Variants in FOXD1 observed in about 807,000 individuals in gnomAD.
FOXD1 encodes forkhead box D1.
Under a neutral mutation model 2.0 loss-of-function variants are expected in FOXD1, and 4 were observed. The observed-to-expected ratio is 2.03, with a 90% CI of 1.00 to 4.64. The LOEUF (loss-of-function observed/expected upper bound fraction) is 4.64. FOXD1 is among the 30% of genes most tolerant of loss of function. The probability of loss-of-function intolerance (pLI) is 0.01; values close to 1 mark genes in which losing one functional copy is unlikely to be tolerated. For synonymous variants in FOXD1, 354 were observed against 328.5 expected, an observed-to-expected ratio of 1.08 and a Z score of -0.84; for missense variants, 586 against 647.6, an observed-to-expected ratio of 0.90 and a Z score of 1.03.
rs1745530009 is a variant in FOXD1, at chr5:73,447,584, G to C, written c.779C>G (p.Pro260Arg). 1 of 1,139,512 alleles carries C rather than the reference G, an allele frequency of 8.8e-7. No homozygotes were observed. The highest frequency in any genetic ancestry group is 1.1e-6 in the Non-Finnish European group (1 of 924,872). 70.6% of individuals were successfully genotyped at this position (1,139,512 alleles called of 1,614,324 possible). The change falls in exon 1 of 1, where the codon CCC (proline) becomes CGC (arginine). Residue 260 changes from proline (P) to arginine (R), a missense_variant. This residue lies in a region of FOXD1 where 253 missense variants were observed against 234.4 expected (regional missense o/e 1.08). Coordinates refer to ENST00000615637, the MANE Select transcript of FOXD1 (RefSeq NM_004472.3). The surrounding 1 kb of genome is among the most constrained non-coding windows in gnomAD (Gnocchi z 7.8). ...DPAAAAALFP[P>R]APPPPPHAYG... ...GGCATGCGGGGGCGGCGGGGGCGCG[G>C]GCGGGAAGAGCGCGGCGGCGGCTGC...
rs370819776 is a variant in FOXD1, at chr5:73,447,067, G to GGCGGCC, written c.1290_1295dup (p.Ala433_Ala434dup). ...CGGACGAGGAGACTGAGGAGGCGGC[G>GGCGGCC]GCGGCCGCGGCGGCCACGAGGGATC... On this transcript the variant is annotated inframe_insertion, in exon 1 of 1. Transcript: ENST00000615637. The surrounding 1 kb of genome is among the most constrained non-coding windows in gnomAD (Gnocchi z 7.8). 8,649 of 1,514,886 alleles carry GGCGGCC rather than the reference G, an allele frequency of 5.7e-3. 74 individuals are homozygous for GGCGGCC. The highest frequency in any genetic ancestry group is 0.036 in the African/African-American group (2,503 of 69,858). 93.8% of individuals were successfully genotyped at this position (1,514,886 alleles called of 1,614,324 possible). A position where few individuals can be genotyped will look rare whatever the true frequency, so the allele number is the denominator to read the frequency against.
In FOXD1 at chr5:73,447,213, C is replaced by T. The variant is rs1480202493; in HGVS notation, c.1150G>A (p.Ala384Thr). ...GGCGAGGCCTGAGCGGCGGCGGCGG[C>T]CTGCGCGGCGGCGGCGGCAGCGGCG... ...PAAAAAAAAQAAAAAQASPSP... is the reference protein window; with the variant it reads ...PAAAAAAAAQTAAAAQASPSP... Residue 384 changes from alanine (A) to threonine (T), a missense_variant, in exon 1 of 1, where the codon GCC becomes ACC. Around this residue, in one of 4 missense-constraint regions of FOXD1, gnomAD observed 253 missense variants for 234.4 expected, o/e 1.08. Coordinates refer to ENST00000615637, the MANE Select transcript of FOXD1 (RefSeq NM_004472.3). This position sits in a 1 kb window ranked among gnomAD's most constrained non-coding sequence, Gnocchi z 7.8. 6.6e-6 allele frequency: 6 copies of T among 902,968 alleles called. No individual in the cohort carries two copies. The African/African-American group carries it at 9.0e-5, about 14-fold the overall frequency. 55.9% of individuals were successfully genotyped at this position (902,968 alleles called of 1,614,324 possible). A position where few individuals can be genotyped will look rare whatever the true frequency, so the allele number is the denominator to read the frequency against.
chr5:73,448,031 C>T lies in FOXD1; in HGVS notation c.332G>A (p.Gly111Asp), dbSNP rs780753922. 25 of 1,304,556 alleles carry T rather than the reference C, an allele frequency of 1.9e-5. No individual in the cohort carries two copies. Among genetic ancestry groups the T allele is most frequent in the Non-Finnish European group, 2.5e-5 (25 of 1,020,134 alleles). The allele number at this position is 1,304,556 out of a possible 1,614,324, so 80.8% of individuals were successfully genotyped here. The part of the protein sequence containing the change: ...GGGGGGGGAG[G>D]GGSAGSGAKN... ...GGCGCCGCTACCCGCGCTCCCGCCG[C>T]CGCCCGCGCCGCCGCCGCCGCCGCC... Residue 111 changes from glycine to aspartate, a missense_variant, in exon 1 of 1, where the codon GGC becomes GAC. Gly to Asp is a moderately conservative substitution (Grantham distance 94). Coordinates refer to ENST00000615637, the MANE Select transcript of FOXD1 (RefSeq NM_004472.3).
Position 73,447,428 on chromosome 5 carries a change from G to A in FOXD1, c.935C>T (p.Pro312Leu). The change falls in exon 1 of 1, where the codon CCC becomes CTC. Residue 312 changes from proline to leucine, a missense_variant. Around this residue, in one of 4 missense-constraint regions of FOXD1, gnomAD observed 253 missense variants for 234.4 expected, o/e 1.08. Coordinates refer to ENST00000615637, the MANE Select transcript of FOXD1 (RefSeq NM_004472.3). The surrounding 1 kb of genome is among the most constrained non-coding windows in gnomAD (Gnocchi z 7.8). Reference sequence around the variant, plus strand: ...GGCGGCCGCGCCGTGCGGTGGCGGGGGCGGCGGGGGCGAGTGCGGGTGGAA... The same window carrying A: ...GGCGGCCGCGCCGTGCGGTGGCGGGAGCGGCGGGGGCGAGTGCGGGTGGAA... ...AAFHPHSPPPPPPPHGAAAEL... is the reference protein window; with the variant it reads ...AAFHPHSPPPLPPPHGAAAEL... The A allele has an allele frequency of 1.0e-5, 10 of 983,754 alleles. No individual in the cohort carries two copies. Among genetic ancestry groups the A allele is most frequent in the African/African-American group, 1.8e-5 (1 of 56,526 alleles). The allele number at this position is 983,754 out of a possible 1,614,324, so 60.9% of individuals were successfully genotyped here.
In FOXD1 at chr5:73,447,260, A is replaced by C; in HGVS notation, c.1103T>G (p.Ile368Ser). 3 of 990,244 alleles carry C rather than the reference A, an allele frequency of 3.0e-6. No individual in the cohort carries two copies. The highest frequency in any genetic ancestry group is 3.6e-6 in the Non-Finnish European group (3 of 837,092). The allele number at this position is 990,244 out of a possible 1,614,324, so 61.3% of individuals were successfully genotyped here. ...ARSPFSIESI[I>S]GGSLGPAAAA... ...GGCGGCCGGGCCCAAGCTGCCCCCG[A>C]TGATGCTCTCGATGGAGAAGGGCGA... The change falls in exon 1 of 1, where the codon ATC (isoleucine) becomes AGC (serine). Residue 368 changes from isoleucine to serine, a missense_variant. Transcript: ENST00000615637. The surrounding 1 kb of genome is among the most constrained non-coding windows in gnomAD (Gnocchi z 7.8).
chr5:73,447,561 C>G lies in FOXD1; in HGVS notation c.802G>C (p.Ala268Pro). Reference protein sequence around the residue: ...FPPAPPPPPHAYGYGPYGCGY... With the variant: ...FPPAPPPPPHPYGYGPYGCGY... ...CAGCCGTAGGGGCCGTAGCCGTAGG[C>G]ATGCGGGGGCGGCGGGGGCGCGGGC... is the stretch of plus-strand genomic sequence containing the variant. Residue 268 changes from alanine (A) to proline (P), a missense_variant, in exon 1 of 1, where the codon GCC becomes CCC. By Grantham distance (27) the Ala-to-Pro change is conservative. Transcript: ENST00000615637. This position sits in a 1 kb window ranked among gnomAD's most constrained non-coding sequence, Gnocchi z 7.8. 1.9e-6 allele frequency: 2 copies of G among 1,067,658 alleles called. No individual in the cohort carries two copies. The highest frequency in any genetic ancestry group is 4.4e-5 in the South Asian group (1 of 22,842). 66.1% of individuals were successfully genotyped at this position (1,067,658 alleles called of 1,614,324 possible).
In FOXD1 at chr5:73,447,628, T is replaced by A. The variant is rs1222362473; in HGVS notation, c.735A>T (p.Ala245=). Residue 245 remains alanine, a synonymous_variant, in exon 1 of 1, where the codon GCA becomes GCT. Transcript: ENST00000615637. This position sits in a 1 kb window ranked among gnomAD's most constrained non-coding sequence, Gnocchi z 7.8. ...CGGCTGCCGGGTCGCCCGCGCCCCCTGCGGCTCCCGCGCCGCGCAGCAGCA... is the reference window on the plus strand; with the variant it reads ...CGGCTGCCGGGTCGCCCGCGCCCCCAGCGGCTCCCGCGCCGCGCAGCAGCA... ...ESLLLRGAGA[A]GGAGDPAAAA... The A allele has an allele frequency of 8.0e-6, 11 of 1,375,986 alleles. No homozygotes were observed. Among genetic ancestry groups the A allele is most frequent in the Admixed American group, 3.7e-5 (1 of 27,338 alleles). The allele number at this position is 1,375,986 out of a possible 1,614,324, so 85.2% of individuals were successfully genotyped here.
rs1745562959 is a variant in FOXD1, at chr5:73,448,773, AG to A, written c.-412del. 6.6e-6 allele frequency among the ~76,000 whole-genome samples: 1 copy of A among 152,172 alleles called. No homozygotes were observed. The highest frequency in any genetic ancestry group is 1.5e-5 in the Non-Finnish European group (1 of 68,012). ...ACAGAGCTCGGCGAGGCCAGGGCTG[AG>A]TCCAGGAGAGGGCGGACCTTCCTCG... On this transcript the variant is annotated 5_prime_UTR_variant, in exon 1 of 1. Transcript: ENST00000615637.
chr5:73,446,786 GAGCCAAA>G lies in FOXD1; in HGVS notation c.*172_*178del. 1.7e-6 allele frequency: 1 copy of G among 604,876 alleles called. No homozygotes were observed. The highest frequency in any genetic ancestry group is 1.7e-5 in the South Asian group (1 of 60,332). 37.5% of individuals were successfully genotyped at this position (604,876 alleles called of 1,614,324 possible). A position where few individuals can be genotyped will look rare whatever the true frequency, so the allele number is the denominator to read the frequency against. ...CTTTGCATAAATAGAGGGACCCGCA[GAGCCAAA>G]AGGCGCGCCCGGGCTGTTGACAGTT... On this transcript the variant is annotated 3_prime_UTR_variant, in exon 1 of 1. Coordinates refer to ENST00000615637, the MANE Select transcript of FOXD1 (RefSeq NM_004472.3).
Position 73,447,646 on chromosome 5 carries a change from C to T in FOXD1, c.717G>A (p.Leu239=). ...CGCCCCCTGCGGCTCCCGCGCCGCG[C>T]AGCAGCAGAGACTCGGCGGCCGCGG... ...PNAAAAESLL[L]RGAGAAGGAG... Residue 239 remains leucine (L), a synonymous_variant, in exon 1 of 1, where the codon CTG becomes CTA. Coordinates refer to ENST00000615637, the MANE Select transcript of FOXD1 (RefSeq NM_004472.3). The surrounding 1 kb of genome is among the most constrained non-coding windows in gnomAD (Gnocchi z 7.8). 6.5e-7 allele frequency: 1 copy of T among 1,537,722 alleles called. No individual in the cohort carries two copies. Among genetic ancestry groups the T allele is most frequent in the East Asian group, 2.6e-5 (1 of 38,256 alleles).
Position 73,447,075 on chromosome 5 carries a change from C to T in FOXD1, c.1288G>A (p.Ala430Thr). The T allele has an allele frequency of 6.6e-7, 1 of 1,509,798 alleles. No homozygotes were observed. The highest frequency in any genetic ancestry group is 8.9e-7 in the Non-Finnish European group (1 of 1,127,370). 93.5% of individuals were successfully genotyped at this position (1,509,798 alleles called of 1,614,324 possible). The change falls in exon 1 of 1, where the codon GCG becomes ACG. Residue 430 changes from alanine to threonine, a missense_variant. Ala to Thr is a moderately conservative substitution (Grantham distance 58). This residue lies in a region of FOXD1 where 46 missense variants were observed against 78.6 expected (regional missense o/e 0.58). Transcript: ENST00000615637. This position sits in a 1 kb window ranked among gnomAD's most constrained non-coding sequence, Gnocchi z 7.8. ...AALTRSLVAA[A>T]AAAASSVSSS... Reference sequence around the variant, plus strand: ...GAGACTGAGGAGGCGGCGGCGGCCGCGGCGGCCACGAGGGATCGGGTGAGC... The same window carrying T: ...GAGACTGAGGAGGCGGCGGCGGCCGTGGCGGCCACGAGGGATCGGGTGAGC...
Position 73,447,527 on chromosome 5 carries a change from C to T in FOXD1, c.836G>A (p.Gly279Asp), listed in dbSNP as rs1745527817. 5 of 1,033,392 alleles carry T rather than the reference C, an allele frequency of 4.8e-6. No individual in the cohort carries two copies. Among genetic ancestry groups the T allele is most frequent in the South Asian group, 4.4e-5 (1 of 22,648 alleles). The allele number at this position is 1,033,392 out of a possible 1,614,324, so 64.0% of individuals were successfully genotyped here. ...YGYGPYGCGY[G>D]LQLPPYAPPS... ...CGGCGCGTAAGGCGGCAGCTGCAGG[C>T]CGTAGCCGCAGCCGTAGGGGCCGTA... The change falls in exon 1 of 1, where the codon GGC (glycine) becomes GAC (aspartate). Residue 279 changes from glycine (G) to aspartate (D), a missense_variant. Transcript: ENST00000615637. The surrounding 1 kb of genome is among the most constrained non-coding windows in gnomAD (Gnocchi z 7.8).
rs1745495380 is a variant in FOXD1 at position 73,446,450 on chromosome 5, T to G, written c.*515A>C. ...GGTTGAAATAAATGATAATTTTGAC[T>G]TTTTTTCTTGTGTAAACATGTTAAC... On this transcript the variant is annotated 3_prime_UTR_variant, in exon 1 of 1. Transcript: ENST00000615637. 1 of 155,848 alleles carries G rather than the reference T, an allele frequency of 6.4e-6. No homozygotes were observed. Among genetic ancestry groups the G allele is most frequent in the Non-Finnish European group, 1.4e-5 (1 of 70,302 alleles). The allele number at this position is 155,848 out of a possible 1,614,324, so 9.7% of individuals were successfully genotyped here. A position where few individuals can be genotyped will look rare whatever the true frequency, so the allele number is the denominator to read the frequency against.
chr5:73,448,244 C>G lies in FOXD1; in HGVS notation c.119G>C (p.Gly40Ala), dbSNP rs761266002. 4.0e-6 allele frequency: 6 copies of G among 1,482,432 alleles called. No homozygotes were observed. The highest frequency in any genetic ancestry group is 1.3e-5 in the South Asian group (1 of 79,490). 91.8% of individuals were successfully genotyped at this position (1,482,432 alleles called of 1,614,324 possible). The change falls in exon 1 of 1, where the codon GGC becomes GCC. Residue 40 changes from glycine to alanine, a missense_variant. By Grantham distance (60) the Gly-to-Ala change is moderately conservative. This residue lies in a region of FOXD1 where 183 missense variants were observed against 159.2 expected (regional missense o/e 1.15). Transcript: ENST00000615637. Reference sequence around the variant, plus strand: ...GACAGCCAGCCGGGGCCCGCCACCGCCGCCCTCGTCGTCGTCCTCCTCTTC... The same window carrying G: ...GACAGCCAGCCGGGGCCCGCCACCGGCGCCCTCGTCGTCGTCCTCCTCTTC... ...DEEEEDDDEG[G>A]GGGPRLAVPA...
At position 73,447,320 on chromosome 5, in the gene FOXD1, T is replaced by C; in HGVS notation, c.1043A>G (p.Lys348Arg). The C allele has an allele frequency of 1.0e-6, 1 of 984,314 alleles. No individual in the cohort carries two copies. Among genetic ancestry groups the C allele is most frequent in the South Asian group, 4.5e-5 (1 of 22,124 alleles). 61.0% of individuals were successfully genotyped at this position (984,314 alleles called of 1,614,324 possible). Residue 348 changes from lysine to arginine, a missense_variant, in exon 1 of 1, where the codon AAG (lysine) becomes AGG (arginine). Lys to Arg is a conservative substitution (Grantham distance 26). This residue lies in a region of FOXD1 where 253 missense variants were observed against 234.4 expected (regional missense o/e 1.08). Transcript: ENST00000615637. The surrounding 1 kb of genome is among the most constrained non-coding windows in gnomAD (Gnocchi z 7.8). Reference sequence around the variant, plus strand: ...CGCTGAGGCGCCCGGGCCGCCCGCCTTGGCCGCGGAGGCCGGCAGGGGGCC... The same window carrying C: ...CGCTGAGGCGCCCGGGCCGCCCGCCCTGGCCGCGGAGGCCGGCAGGGGGCC... ...LPGPLPASAAKAGGPGASALA... is the reference protein window; with the variant it reads ...LPGPLPASAARAGGPGASALA...
At position 73,446,958 on chromosome 5, in the gene FOXD1, A is replaced by G; in HGVS notation, c.*7T>C. The stretch of plus-strand genomic sequence containing the variant: ...CCTTCTTCCTCGAGCGCGCTAACAT[A>G]GCGTTATTAACAATTGGAAATCCTA... On this transcript the variant is annotated 3_prime_UTR_variant, in exon 1 of 1. Coordinates refer to ENST00000615637, the MANE Select transcript of FOXD1 (RefSeq NM_004472.3). 4 of 1,541,784 alleles carry G rather than the reference A, an allele frequency of 2.6e-6. No individual in the cohort carries two copies. The highest frequency in any genetic ancestry group is 3.5e-6 in the Non-Finnish European group (4 of 1,140,978).
Position 73,447,073 on chromosome 5 carries a change from C to T in FOXD1, c.1290G>A (p.Ala430=), listed in dbSNP as rs1745512175. ...AGGAGACTGAGGAGGCGGCGGCGGC[C>T]GCGGCGGCCACGAGGGATCGGGTGA... ...AALTRSLVAA[A]AAAASSVSSS... The change falls in exon 1 of 1, where the codon GCG becomes GCA. Residue 430 remains alanine, a synonymous_variant. Transcript: ENST00000615637. This position sits in a 1 kb window ranked among gnomAD's most constrained non-coding sequence, Gnocchi z 7.8. The T allele has an allele frequency of 2.0e-6, 3 of 1,510,834 alleles. No individual in the cohort carries two copies. Among genetic ancestry groups the T allele is most frequent in the South Asian group, 2.4e-5 (2 of 82,008 alleles). The allele number at this position is 1,510,834 out of a possible 1,614,324, so 93.6% of individuals were successfully genotyped here. A position where few individuals can be genotyped will look rare whatever the true frequency, so the allele number is the denominator to read the frequency against.
In FOXD1 at chr5:73,447,133, G is replaced by A. The variant is rs376731540; in HGVS notation, c.1230C>T (p.Cys410=). Residue 410 remains cysteine, a synonymous_variant, in exon 1 of 1, where the codon TGC becomes TGT. Coordinates refer to ENST00000615637, the MANE Select transcript of FOXD1 (RefSeq NM_004472.3). This position sits in a 1 kb window ranked among gnomAD's most constrained non-coding sequence, Gnocchi z 7.8. ...CCGGGCCCACGGCCGCCTGCGCCGC[G>A]CAGCCTCCTCCGCTGGATCCGGGAG... ...PPAPGSSGGG[C]AAQAAVGPAA... The A allele has an allele frequency of 9.9e-4, 1,187 of 1,200,404 alleles. 35 individuals are homozygous for A. The South Asian group carries it at 0.042, about 42-fold the overall frequency. 74.4% of individuals were successfully genotyped at this position (1,200,404 alleles called of 1,614,324 possible).
In FOXD1 at chr5:73,447,668, G is replaced by A; in HGVS notation, c.695C>T (p.Ala232Val). 1 of 1,580,032 alleles carries A rather than the reference G, an allele frequency of 6.3e-7. No homozygotes were observed. The highest frequency in any genetic ancestry group is 1.4e-5 in the African/African-American group (1 of 72,566). Residue 232 changes from alanine to valine, a missense_variant, in exon 1 of 1, where the codon GCG becomes GTG. Coordinates refer to ENST00000615637, the MANE Select transcript of FOXD1 (RefSeq NM_004472.3). This position sits in a 1 kb window ranked among gnomAD's most constrained non-coding sequence, Gnocchi z 7.8. ...KRQPLLPPNA[A>V]AAESLLLRGA... ...GCGCAGCAGCAGAGACTCGGCGGCCGCGGCGTTGGGTGGGAGCAGCGGCTG... is the reference window on the plus strand; with the variant it reads ...GCGCAGCAGCAGAGACTCGGCGGCCACGGCGTTGGGTGGGAGCAGCGGCTG...
Sources: allele counts gnomAD v4.1 joint callset (sites outside exome capture counted in the v4.1 genomes callset), GRCh38; gene constraint gnomAD v4.1.1; regional missense constraint gnomAD v4.1.1; non-coding constraint Gnocchi (gnomAD v3.1); transcripts MANE v1.5; gene names NCBI Gene and HGNC (gene_info 2026-07-23, HGNC 2026-07-21).